Variants in CDH12 observed in about 807,000 individuals in gnomAD.
The protein encoded by CDH12 is cadherin 12, also known as cadherin-12.
A neutral mutation model predicts 74.1 loss-of-function variants in CDH12; 41 were observed. That is an observed-to-expected ratio of 0.55 (90% CI 0.43 to 0.72). The LOEUF (loss-of-function observed/expected upper bound fraction) is 0.72. Among genes scored for constraint, CDH12 ranks in the 30% least tolerant of loss-of-function variants. The pLI is 0.00. For synonymous variants in CDH12, 399 were observed against 355.0 expected, an observed-to-expected ratio of 1.12 and a Z score of -1.39; for missense variants, 945 against 977.2, an observed-to-expected ratio of 0.97 and a Z score of 0.44.
chr5:22,202,020 G>C (rs1489096274), intron 4 of CDH12, among the ~76,000 whole-genome samples: 1 of 152,084 alleles, frequency 6.6e-6, no homozygotes, highest in African/African-American at 2.4e-5. Flanking sequence ...GGGTGGATTA[G>C]AGTGCCACTT....
At position 21,891,993 on chromosome 5, in the gene CDH12, C is replaced by A. The variant is rs928281463; in HGVS notation, c.527-37203G>T. ...CTCCTGAACCTGTTCCAATACTGTG[C>A]TGAGAATTTTAGCTGATCATGACTG... is the stretch of plus-strand genomic sequence containing the variant. On this transcript the variant is annotated intron_variant, in intron 6 of 14. Transcript: ENST00000382254. Among the ~76,000 whole-genome samples, 7 of 152,112 alleles carry A rather than the reference C, an allele frequency of 4.6e-5. No individual in the cohort carries two copies. The South Asian group carries it at 8.3e-4, about 18-fold the overall frequency.
intron 1 of CDH12, among the ~76,000 whole-genome samples, chr5:22,776,936 C>T (rs1747133999): frequency 1.3e-5 from 2 of 152,134 alleles, no homozygotes; most frequent in South Asian, 2.1e-4. Context: ...ATGTATCATT[C>T]TGTTCCCACA....
chr5:22,141,687 C>A (rs1746804529), intron 4 of CDH12, among the ~76,000 whole-genome samples: 1 of 151,974 alleles, frequency 6.6e-6, no homozygotes, highest in Non-Finnish European at 1.5e-5. Context: ...ATGGTGAAAA[C>A]AAACAGAATA....
At chr5:22,073,311 A>C (rs376423609) in intron 5 of CDH12, among the ~76,000 whole-genome samples, 11 of 152,290 alleles carry the variant, frequency 7.2e-5, no homozygotes, top group African/African-American at 2.4e-4. Context: ...CTGAAATGAC[A>C]ACTCAATTTC....
chr5:22,572,548 C>T (rs1349444800), intron 1 of CDH12, among the ~76,000 whole-genome samples: 9 of 151,870 alleles, frequency 5.9e-5, no homozygotes, highest in Non-Finnish European at 1.3e-4. Context: ...AGAAGGTTTT[C>T]AAATCTTCCC....
chr5:22,466,536 TG>T (rs1159084791), intron 2 of CDH12, among the ~76,000 whole-genome samples: 7 of 152,102 alleles, frequency 4.6e-5, no homozygotes, highest in Non-Finnish European at 8.8e-5. Flanking sequence ...TTTGTGCAGG[TG>T]TGTGCACTTT....
chr5:22,138,695 A>G (rs1427336038), intron 4 of CDH12, among the ~76,000 whole-genome samples: 1 of 149,980 alleles, frequency 6.7e-6, no homozygotes, highest in Non-Finnish European at 1.5e-5. Context: ...CTTAATTTTA[A>G]CATCATAGAG....
intron 3 of CDH12, among the ~76,000 whole-genome samples, chr5:22,246,578 A>C (rs554864810): frequency 6.6e-6 from 1 of 152,274 alleles, no homozygotes; most frequent in South Asian, 2.1e-4. Context: ...TTTTGGCTCA[A>C]TCTTGAAAAA....
At chr5:21,889,600 T>C (rs542561677) in intron 6 of CDH12, 1 of 985,424 alleles carries the variant, frequency 1.0e-6, no homozygotes, top group South Asian at 4.7e-5. Context: ...GAAGCCTCTT[T>C]CCAGTCTGTG....
intron 1 of CDH12, among the ~76,000 whole-genome samples, chr5:22,701,111 C>T (rs767728755): frequency 1.3e-5 from 2 of 152,018 alleles, no homozygotes; most frequent in Non-Finnish European, 2.9e-5. Flanking sequence ...TCCGTATGCC[C>T]CAAACTTGCA....
intron 5 of CDH12, among the ~76,000 whole-genome samples, chr5:21,986,606 A>G (rs531170094): frequency 1.2e-3 from 181 of 152,270 alleles, no homozygotes; most frequent in African/African-American, 4.2e-3. Flanking sequence ...CAGACAATAA[A>G]CCATTCATAT....
chr5:22,679,111 G>T (rs543876444), intron 1 of CDH12, among the ~76,000 whole-genome samples: 2 of 151,918 alleles, frequency 1.3e-5, no homozygotes, highest in African/African-American at 2.4e-5. Context: ...TAAAACATAC[G>T]CCTCTAGGCA....
chr5:21,984,355 G>A lies in CDH12; in HGVS notation c.232-8970C>T, dbSNP rs1322460957. On this transcript the variant is annotated intron_variant, in intron 5 of 14. Transcript: ENST00000382254. Reference sequence around the variant, plus strand: ...CTGGTCATTAATGCCTATATTTTATGCATTCTCAAGCATATGGGAGAAATT... The same window carrying A: ...CTGGTCATTAATGCCTATATTTTATACATTCTCAAGCATATGGGAGAAATT... Among the ~76,000 whole-genome samples, 4 of 152,070 alleles carry A rather than the reference G, an allele frequency of 2.6e-5. 1 individual carries two copies. In the South Asian group the frequency reaches 6.2e-4, roughly 24 times the overall value.
chr5:21,781,408 C>T (rs1745901403), intron 11 of CDH12, among the ~76,000 whole-genome samples: 2 of 152,052 alleles, frequency 1.3e-5, no homozygotes, highest in Non-Finnish European at 2.9e-5. Context: ...TCTTTACTGC[C>T]ATTCCATTTT....
chr5:22,783,859 G>A (rs1240272993), intron 1 of CDH12, among the ~76,000 whole-genome samples: 1 of 152,082 alleles, frequency 6.6e-6, no homozygotes, highest in African/African-American at 2.4e-5. Context: ...TGCCCACAAT[G>A]AGACCTGAAT....
At chr5:22,426,909 C>A (rs1055811901) in intron 2 of CDH12, among the ~76,000 whole-genome samples, 5 of 152,114 alleles carry the variant, frequency 3.3e-5, no homozygotes, top group African/African-American at 4.8e-5. Context: ...AAAATGTTTT[C>A]TTTTTCTCAT....
intron 6 of CDH12, chr5:21,882,893 T>C: frequency 6.2e-7 from 1 of 1,604,176 alleles, no homozygotes; most frequent in Admixed American, 1.7e-5. Context: ...TTCAAGATGT[T>C]GCCAATAACA....
intron 5 of CDH12, among the ~76,000 whole-genome samples, chr5:21,991,520 A>T (rs1447654524): frequency 6.8e-6 from 1 of 147,132 alleles, no homozygotes; most frequent in Non-Finnish European, 1.5e-5. Context: ...TATGTTTGTT[A>T]TATATATAGG....
At chr5:21,887,912 ATT>A (rs35663197) in intron 6 of CDH12, among the ~76,000 whole-genome samples, 14 of 151,464 alleles carry the variant, frequency 9.2e-5, no homozygotes, top group Non-Finnish European at 1.2e-4. Context: ...CCAATACTGT[ATT>A]TTTTTTTTCC....
Sources: allele counts gnomAD v4.1 joint callset (sites outside exome capture counted in the v4.1 genomes callset), GRCh38; gene constraint gnomAD v4.1.1; transcripts MANE v1.5; gene names NCBI Gene and HGNC (gene_info 2026-07-23, HGNC 2026-07-21).